The following ANGPT1 variants were observed in gnomAD, a reference collection of about 807,000 sequenced individuals.
ANGPT1 encodes angiopoietin 1.
ANGPT1 carries 17 observed loss-of-function variants against 62.2 expected under a neutral mutation model. The ratio of observed to expected loss-of-function variants is 0.27; its 90% confidence interval spans 0.19 to 0.41. The LOEUF (loss-of-function observed/expected upper bound fraction) is 0.41, where lower values mean the gene tolerates loss of function less well. Among genes scored for constraint, ANGPT1 ranks in the 10% least tolerant of loss-of-function variants. The pLI is 1.00. For missense variants in ANGPT1, 478 were observed against 594.9 expected, an observed-to-expected ratio of 0.80 and a Z score of 2.04; for synonymous variants, 199 against 198.9, an observed-to-expected ratio of 1.00 and a Z score of 0.00.
intron 8 of ANGPT1, among the ~76,000 whole-genome samples, chr8:107,253,359 T>C: frequency 6.6e-6 from 1 of 152,230 alleles, no homozygotes; most frequent in East Asian, 1.9e-4. Flanking sequence ...TTTTGATCAG[T>C]ACAGCTGTTA....
chr8:107,435,566 G>C (rs1179422673), intron 1 of ANGPT1, among the ~76,000 whole-genome samples: 1 of 152,088 alleles, frequency 6.6e-6, no homozygotes, highest in East Asian at 1.9e-4. Context: ...CAAGGTTCTG[G>C]GCACAGGGAT....
At chr8:107,477,065 CACT>C (rs1199241796) in intron 1 of ANGPT1, among the ~76,000 whole-genome samples, 6 of 152,136 alleles carry the variant, frequency 3.9e-5, no homozygotes, top group Non-Finnish European at 7.3e-5. Flanking sequence ...CCCGTTGTTT[CACT>C]ACTACTACTG....
chr8:107,439,113 A>T (rs561954485), intron 1 of ANGPT1, among the ~76,000 whole-genome samples: 1 of 152,302 alleles, frequency 6.6e-6, no homozygotes, highest in South Asian at 2.1e-4. Context: ...GTTTAGATAC[A>T]TATTAGTCAC....
At chr8:107,277,117 T>C (rs748901507) in intron 7 of ANGPT1, among the ~76,000 whole-genome samples, 102 of 152,190 alleles carry the variant, frequency 6.7e-4, no homozygotes, top group Non-Finnish European at 1.3e-3. Flanking sequence ...TGTTAAACAT[T>C]ATCATTCGGA....
intron 5 of ANGPT1, among the ~76,000 whole-genome samples, chr8:107,296,194 G>C (rs974297553): frequency 6.6e-6 from 1 of 152,114 alleles, no homozygotes; most frequent in Non-Finnish European, 1.5e-5. Context: ...GGCAGGGAGT[G>C]AGAAGGGTCA....
Position 107,452,526 on chromosome 8 carries a change from G to C in ANGPT1, c.297+44736C>G, listed in dbSNP as rs918692046. Among the ~76,000 whole-genome samples, 4 of 150,910 alleles carry C rather than the reference G, an allele frequency of 2.7e-5. 1 individual carries two copies. Among genetic ancestry groups the C allele is most frequent in the Non-Finnish European group, 5.9e-5 (4 of 67,710 alleles). On this transcript the variant is annotated intron_variant, in intron 1 of 8. Transcript: ENST00000517746. ...TTTATTTTTTTTGAAGTTTGTAATA[G>C]ATATGCATGGCTAAAATTTATTGTT...
At chr8:107,360,700 A>T (rs1464147887) in intron 1 of ANGPT1, among the ~76,000 whole-genome samples, 1 of 152,132 alleles carries the variant, frequency 6.6e-6, no homozygotes, top group East Asian at 1.9e-4. Context: ...ATGGCATTTG[A>T]GTTGCCATCA....
chr8:107,412,920 T>C (rs1429074528), intron 1 of ANGPT1, among the ~76,000 whole-genome samples: 3 of 152,054 alleles, frequency 2.0e-5, no homozygotes, highest in African/African-American at 7.2e-5. Context: ...GATACTAAAA[T>C]ATTAAGTTCC....
chr8:107,315,287 G>C (rs765138786), intron 4 of ANGPT1, among the ~76,000 whole-genome samples: 2 of 152,116 alleles, frequency 1.3e-5, no homozygotes, highest in Non-Finnish European at 2.9e-5. Context: ...CTTCTTATGA[G>C]AGAATTAAGT....
At chr8:107,337,512 G>A (rs905641535) in intron 2 of ANGPT1, among the ~76,000 whole-genome samples, 3 of 152,138 alleles carry the variant, frequency 2.0e-5, no homozygotes, top group Non-Finnish European at 4.4e-5. Flanking sequence ...TTGTGTCAAT[G>A]CCCTGTTCCT....
intron 1 of ANGPT1, among the ~76,000 whole-genome samples, chr8:107,438,145 C>A (rs1811377998): frequency 6.6e-6 from 1 of 152,192 alleles, no homozygotes; most frequent in South Asian, 2.1e-4. Flanking sequence ...TTTCACAATG[C>A]AGAGATAAGG....
At chr8:107,284,648 A>G in intron 7 of ANGPT1, 34 bp downstream of exon 7, 1 of 1,411,304 alleles carries the variant, frequency 7.1e-7, no homozygotes, top group Non-Finnish European at 9.4e-7. Context: ...GCTAGGTAAA[A>G]GGTAGTCGAA....
intron 7 of ANGPT1, among the ~76,000 whole-genome samples, chr8:107,276,795 T>C (rs562885554): frequency 6.6e-6 from 1 of 152,190 alleles, no homozygotes; most frequent in Non-Finnish European, 1.5e-5. Flanking sequence ...CCCGATACAG[T>C]GTTTTACAAA....
chr8:107,423,346 A>G (rs1810943328), intron 1 of ANGPT1, among the ~76,000 whole-genome samples: 1 of 152,194 alleles, frequency 6.6e-6, no homozygotes, highest in South Asian at 2.1e-4. Flanking sequence ...CTGAGGACTT[A>G]TAGCTGTACC....
intron 7 of ANGPT1, among the ~76,000 whole-genome samples, chr8:107,269,413 A>ACTATCAT (rs1350283242): frequency 6.6e-6 from 1 of 152,180 alleles, no homozygotes; most frequent in East Asian, 1.9e-4. Flanking sequence ...TGTGTAATTA[A>ACTATCAT]CTATCATCTG....
intron 1 of ANGPT1, among the ~76,000 whole-genome samples, chr8:107,437,855 A>G (rs1156424300): frequency 1.3e-5 from 2 of 152,196 alleles, no homozygotes; most frequent in Non-Finnish European, 2.9e-5. Context: ...CTTTAGTGAA[A>G]TTCAGTGTTT....
intron 6 of ANGPT1, among the ~76,000 whole-genome samples, chr8:107,292,868 T>C (rs562275742): frequency 3.5e-4 from 54 of 152,246 alleles, no homozygotes; most frequent in African/African-American, 1.1e-3. Context: ...CTGAGGCTAG[T>C]ATAGCATTTC....
intron 8 of ANGPT1, among the ~76,000 whole-genome samples, chr8:107,261,147 T>G (rs1813481099): frequency 6.6e-6 from 1 of 152,154 alleles, no homozygotes; most frequent in African/African-American, 2.4e-5. Flanking sequence ...TGCAGGAAAC[T>G]GAAAAATCAA....
In ANGPT1 at chr8:107,279,632, A is replaced by C. The variant is rs566144681; in HGVS notation, c.1205+5050T>G. On this transcript the variant is annotated intron_variant, in intron 7 of 8. Coordinates refer to ENST00000517746, the MANE Select transcript of ANGPT1 (RefSeq NM_001146.5). ...ATCTGGTGTATAGTATGTGTGCCTC[A>C]AATATAGCTAGCTTAGTCAGTAATT... 1.7e-4 allele frequency among the ~76,000 whole-genome samples: 26 copies of C among 152,240 alleles called. No individual in the cohort carries two copies. The South Asian group carries it at 5.2e-3, about 30-fold the overall frequency.
Sources: allele counts gnomAD v4.1 joint callset (sites outside exome capture counted in the v4.1 genomes callset), GRCh38; gene constraint gnomAD v4.1.1; transcripts MANE v1.5; gene names NCBI Gene and HGNC (gene_info 2026-07-23, HGNC 2026-07-21).